The following EPHA3 variants were observed in gnomAD, a reference collection of about 807,000 sequenced individuals.
The protein encoded by EPHA3 is ephrin type-A receptor 3.
EPHA3 carries 42 observed loss-of-function variants against 107.1 expected under a neutral mutation model. That is an observed-to-expected ratio of 0.39 (90% CI 0.31 to 0.51). The LOEUF (loss-of-function observed/expected upper bound fraction) is 0.51, where lower values mean the gene tolerates loss of function less well. EPHA3 is among the 20% of genes least tolerant of loss of function. EPHA3 has a pLI of 0.78. For missense variants in EPHA3, 1,183 were observed against 1,211.2 expected (o/e 0.98, Z 0.35); for synonymous variants, 461 against 424.8 (o/e 1.09, Z -1.05).
chr3:89,220,926 A>T (rs760400468), intron 3 of EPHA3, among the ~76,000 whole-genome samples: 61 of 152,228 alleles, frequency 4.0e-4, no homozygotes, highest in Non-Finnish European at 8.4e-4. Flanking sequence ...ACTTCATTTA[A>T]TCCTCTCAAC....
intron 3 of EPHA3, among the ~76,000 whole-genome samples, chr3:89,255,903 AAAAT>A (rs531479796): frequency 6.6e-6 from 1 of 151,662 alleles, no homozygotes; most frequent in Non-Finnish European, 1.5e-5. Flanking sequence ...TCCATCTCAA[AAAAT>A]AAATAAATAA....
intron 3 of EPHA3, among the ~76,000 whole-genome samples, chr3:89,325,514 T>C (rs947093850): frequency 1.3e-5 from 2 of 152,196 alleles, no homozygotes; most frequent in Admixed American, 1.3e-4. Flanking sequence ...CCTGAAGACA[T>C]GGCATGGCCT....
At chr3:89,277,027 A>G (rs1275755282) in intron 3 of EPHA3, among the ~76,000 whole-genome samples, 1 of 152,122 alleles carries the variant, frequency 6.6e-6, no homozygotes, top group Non-Finnish European at 1.5e-5. Context: ...CCTCTCCTTA[A>G]TCCACCTCCC....
chr3:89,203,924 A>G (rs893859052), intron 2 of EPHA3, among the ~76,000 whole-genome samples: 5 of 152,298 alleles, frequency 3.3e-5, no homozygotes, highest in African/African-American at 1.2e-4. Context: ...ACAGACATCT[A>G]TGAGCCCAGC....
chr3:89,447,775 C>T (rs1347102935), intron 13 of EPHA3, among the ~76,000 whole-genome samples: 2 of 152,078 alleles, frequency 1.3e-5, no homozygotes, highest in African/African-American at 4.8e-5. Flanking sequence ...CACATAAATA[C>T]TCTGAACCAG....
At chr3:89,364,200 G>T (rs1003518082) in intron 5 of EPHA3, among the ~76,000 whole-genome samples, 3 of 150,834 alleles carry the variant, frequency 2.0e-5, no homozygotes, top group African/African-American at 7.2e-5. Context: ...ACAGTGCTGT[G>T]GCTGCTATTA....
At chr3:89,237,357 C>T (rs1704790528) in intron 3 of EPHA3, among the ~76,000 whole-genome samples, 1 of 152,074 alleles carries the variant, frequency 6.6e-6, no homozygotes, top group Non-Finnish European at 1.5e-5. Context: ...GGTGACAAAG[C>T]GAGATTCTGA....
intron 5 of EPHA3, among the ~76,000 whole-genome samples, chr3:89,384,489 G>T (rs1269942547): frequency 6.6e-6 from 1 of 152,104 alleles, no homozygotes; most frequent in Non-Finnish European, 1.5e-5. Flanking sequence ...CTTGTGGATT[G>T]TTTACATTTT....
intron 5 of EPHA3, among the ~76,000 whole-genome samples, chr3:89,390,736 C>T (rs560598643): frequency 6.6e-6 from 1 of 151,388 alleles, no homozygotes; most frequent in East Asian, 1.9e-4. Context: ...AGCAAGTCAA[C>T]CCTTGGTTTC....
At chr3:89,396,007 G>A in intron 6 of EPHA3, 46 bp downstream of exon 6, 4 of 1,604,002 alleles carry the variant, frequency 2.5e-6, no homozygotes, top group Non-Finnish European at 3.4e-6. Flanking sequence ...GCAAGAAGCT[G>A]TTTCCTCATG....
chr3:89,203,330 A>AC (rs1393945395), intron 2 of EPHA3, among the ~76,000 whole-genome samples: 1 of 91,678 alleles, frequency 1.1e-5, no homozygotes, highest in Non-Finnish European at 2.8e-5. Context: ...GAATTAAAAA[A>AC]AAAACAAAAC....
intron 3 of EPHA3, among the ~76,000 whole-genome samples, chr3:89,308,167 G>A (rs1256700582): frequency 1.3e-5 from 2 of 151,992 alleles, no homozygotes; most frequent in Admixed American, 1.3e-4. Flanking sequence ...TTTAAAAGAA[G>A]GATAAAATGG....
chr3:89,136,641 G>A (rs1704322633), intron 2 of EPHA3, among the ~76,000 whole-genome samples: 1 of 151,560 alleles, frequency 6.6e-6, no homozygotes, highest in African/African-American at 2.4e-5. Context: ...TTTGATGTAA[G>A]CTTAGTGGGA....
At chr3:89,132,607 T>C (rs1306418383) in intron 2 of EPHA3, among the ~76,000 whole-genome samples, 1 of 152,184 alleles carries the variant, frequency 6.6e-6, no homozygotes, top group Non-Finnish European at 1.5e-5. Flanking sequence ...AGGTGGCTCA[T>C]ACCTGTAATC....
At chr3:89,304,957 G>C (rs1350879164) in intron 3 of EPHA3, among the ~76,000 whole-genome samples, 1 of 152,112 alleles carries the variant, frequency 6.6e-6, no homozygotes, top group Non-Finnish European at 1.5e-5. Flanking sequence ...AGGTTAATAA[G>C]CATTTTATTT....
intron 2 of EPHA3, among the ~76,000 whole-genome samples, chr3:89,186,846 A>G (rs1027835542): frequency 6.6e-6 from 1 of 152,156 alleles, no homozygotes; most frequent in African/African-American, 2.4e-5. Context: ...AACCAAGGAA[A>G]TGATACGTTA....
intron 3 of EPHA3, among the ~76,000 whole-genome samples, chr3:89,256,956 T>A (rs2107272963): frequency 6.6e-6 from 1 of 152,208 alleles, no homozygotes; most frequent in East Asian, 1.9e-4. Flanking sequence ...TCTAATGGTA[T>A]TTTTTTGCTG....
intron 14 of EPHA3, 102 bp from the exon 15 acceptor site, chr3:89,450,075 C>G: frequency 1.1e-6 from 1 of 943,804 alleles, no homozygotes; most frequent in Non-Finnish European, 1.5e-6. Context: ...TTCCCACTTA[C>G]CTTTAAAATA....
intron 3 of EPHA3, among the ~76,000 whole-genome samples, chr3:89,225,994 G>A (rs1335705400): frequency 1.3e-5 from 2 of 152,064 alleles, no homozygotes; most frequent in African/African-American, 2.4e-5. Context: ...AATATTCGTA[G>A]TTGTGGCCTT....
Sources: allele counts gnomAD v4.1 joint callset (sites outside exome capture counted in the v4.1 genomes callset), GRCh38; gene constraint gnomAD v4.1.1; transcripts MANE v1.5; gene names NCBI Gene and HGNC (gene_info 2026-07-23, HGNC 2026-07-21).